Variants in ASTN2 observed in about 807,000 individuals in gnomAD.
The protein encoded by ASTN2 is astrotactin 2.
In ASTN2, 54 loss-of-function variants were observed where a neutral mutation model predicts 139.8. The observed-to-expected ratio is 0.39, with a 90% confidence interval of 0.31 to 0.48. ASTN2 has a LOEUF of 0.48. Ranked by LOEUF, ASTN2 falls within the 20% of genes least tolerant of loss-of-function variation. The probability of loss-of-function intolerance (pLI) is 0.95; values close to 1 mark genes in which losing one functional copy is unlikely to be tolerated. For synonymous variants in ASTN2, 756 were observed against 719.5 expected, an observed-to-expected ratio of 1.05 and a Z score of -0.81; for missense variants, 1,565 against 1,725.1, an observed-to-expected ratio of 0.91 and a Z score of 1.64.
At chr9:116,807,188 A>C (rs1050436966) in intron 12 of ASTN2, among the ~76,000 whole-genome samples, 1 of 152,228 alleles carries the variant, frequency 6.6e-6, no homozygotes, top group Non-Finnish European at 1.5e-5. Context: ...AGATTCATTG[A>C]AGCTAACCGC....
chr9:116,888,721 G>T (rs1371502357), intron 10 of ASTN2, among the ~76,000 whole-genome samples: 1 of 151,924 alleles, frequency 6.6e-6, no homozygotes, highest in Non-Finnish European at 1.5e-5. Flanking sequence ...ATAAGTTCTG[G>T]AATACATGTG....
intron 13 of ASTN2, among the ~76,000 whole-genome samples, chr9:116,753,169 A>G (rs376950978): frequency 1.3e-5 from 2 of 152,226 alleles, no homozygotes; most frequent in South Asian, 4.1e-4. Context: ...ATCATTCCAC[A>G]ATTTTAAAAA....
Position 116,442,505 on chromosome 9 carries a change from G to A in ASTN2, c.3546C>T (p.Ser1182=), listed in dbSNP as rs1847869635. ...GACAGGCCGTCCTCAGGGTCACCGT[G>A]CTTAGCTCTGAGTGCCTCCCTCGTG... ...VDTRGRHSEL[S]TVTLRTACPL... is the part of the protein sequence containing the mutation. The change falls in exon 21 of 23, where the codon AGC becomes AGT. Residue 1182 remains serine (S), a synonymous_variant. Transcript: ENST00000313400. The A allele has an allele frequency of 6.2e-7, 1 of 1,614,046 alleles. No individual in the cohort carries two copies. Among genetic ancestry groups the A allele is most frequent in the Admixed American group, 1.7e-5 (1 of 59,996 alleles).
chr9:116,716,277 A>T (rs1328446106), intron 16 of ASTN2, among the ~76,000 whole-genome samples: 2 of 152,142 alleles, frequency 1.3e-5, no homozygotes. Flanking sequence ...TGCTTTAGGT[A>T]ATGATGCACA....
intron 2 of ASTN2, among the ~76,000 whole-genome samples, chr9:117,222,768 T>C (rs945054398): frequency 2.0e-5 from 3 of 152,152 alleles, no homozygotes; most frequent in African/African-American, 7.2e-5. Flanking sequence ...CCCACAGCGC[T>C]TCGCCTTAAC....
intron 16 of ASTN2, among the ~76,000 whole-genome samples, chr9:116,671,937 A>T (rs1315789736): frequency 1.3e-5 from 2 of 152,196 alleles, no homozygotes; most frequent in Non-Finnish European, 2.9e-5. Flanking sequence ...GAGAAACGAG[A>T]TAACCTGTGC....
chr9:116,839,300 A>G (rs1330517717), intron 11 of ASTN2, among the ~76,000 whole-genome samples: 2 of 152,172 alleles, frequency 1.3e-5, no homozygotes, highest in Non-Finnish European at 1.5e-5. Context: ...GGCATGTGCC[A>G]TCATGCTCGG....
intron 1 of ASTN2, among the ~76,000 whole-genome samples, chr9:117,375,569 G>A (rs374707872): frequency 1.3e-5 from 2 of 152,154 alleles, no homozygotes; most frequent in Admixed American, 6.6e-5. Context: ...CATTAACCAC[G>A]TATTGCACGT....
intron 5 of ASTN2, among the ~76,000 whole-genome samples, chr9:117,083,407 G>A (rs1828478488): frequency 6.6e-6 from 1 of 152,110 alleles, no homozygotes; most frequent in Non-Finnish European, 1.5e-5. Flanking sequence ...GGAAATCCAG[G>A]CCTGGGAATG....
chr9:116,603,527 T>C (rs1258019530), intron 19 of ASTN2, among the ~76,000 whole-genome samples: 5 of 152,138 alleles, frequency 3.3e-5, no homozygotes, highest in African/African-American at 9.7e-5. Flanking sequence ...ACCTTACCTA[T>C]TGTGATGGCA....
intron 13 of ASTN2, among the ~76,000 whole-genome samples, chr9:116,779,222 T>C (rs1371866523): frequency 1.3e-5 from 2 of 152,146 alleles, no homozygotes; most frequent in African/African-American, 2.4e-5. Context: ...GGTAGGTGTT[T>C]GGGTCATAAA....
At chr9:116,518,083 T>C (rs1021977501) in intron 19 of ASTN2, among the ~76,000 whole-genome samples, 1 of 152,122 alleles carries the variant, frequency 6.6e-6, no homozygotes, top group African/African-American at 2.4e-5. Context: ...GAGAACATAT[T>C]TGAGGGAATA....
chr9:116,740,685 T>A (rs984900162), intron 13 of ASTN2, among the ~76,000 whole-genome samples: 12 of 151,930 alleles, frequency 7.9e-5, no homozygotes, highest in Admixed American at 2.0e-4. Flanking sequence ...GCTAATTTTT[T>A]AATTTTTTTT....
intron 10 of ASTN2, among the ~76,000 whole-genome samples, chr9:116,888,678 A>T (rs1833680501): frequency 6.7e-6 from 1 of 149,650 alleles, no homozygotes; most frequent in Middle Eastern, 3.5e-3. Context: ...ACGCGCCACC[A>T]CACCCAGCTA....
At chr9:117,097,791 G>A (rs1828875467) in intron 4 of ASTN2, among the ~76,000 whole-genome samples, 2 of 152,142 alleles carry the variant, frequency 1.3e-5, no homozygotes, top group South Asian at 4.1e-4. Context: ...AATTTCCTCA[G>A]GTAGGGTATT....
rs551164642 is a variant in ASTN2, at chr9:116,923,423, C to T, written c.1889+51785G>A. Among the ~76,000 whole-genome samples the T allele has an allele frequency of 4.5e-4, 68 of 152,326 alleles. 1 individual carries two copies. In the South Asian group the frequency reaches 0.012, roughly 28 times the overall value. ...TGGAGGGGCCAAGTCAGCTATTAGACGGCTTCTCTTGATGCCCTTGTCTTT... is the reference window on the plus strand; with the variant it reads ...TGGAGGGGCCAAGTCAGCTATTAGATGGCTTCTCTTGATGCCCTTGTCTTT... On this transcript the variant is annotated intron_variant, in intron 10 of 22. Transcript: ENST00000313400.
At chr9:117,162,705 G>A (rs937536108) in intron 3 of ASTN2, among the ~76,000 whole-genome samples, 1 of 152,022 alleles carries the variant, frequency 6.6e-6, no homozygotes, top group Non-Finnish European at 1.5e-5. Flanking sequence ...GTGTTGTGAG[G>A]ATTAAATGAG....
At chr9:116,687,972 G>C (rs1445578803) in intron 16 of ASTN2, among the ~76,000 whole-genome samples, 1 of 152,016 alleles carries the variant, frequency 6.6e-6, no homozygotes, top group Non-Finnish European at 1.5e-5. Flanking sequence ...AAGGGAGCTG[G>C]CTGAGGTGTG....
At chr9:116,907,745 A>C (rs1834201220) in intron 10 of ASTN2, among the ~76,000 whole-genome samples, 1 of 152,162 alleles carries the variant, frequency 6.6e-6, no homozygotes, top group Non-Finnish European at 1.5e-5. Flanking sequence ...GAGGTGGTGA[A>C]GGATGGGCGG....
Sources: gnomAD v4.1 joint callset for allele counts (sites outside exome capture counted in the v4.1 genomes callset) on GRCh38, gnomAD v4.1.1 for gene constraint, MANE v1.5 for transcripts, NCBI Gene and HGNC (gene_info 2026-07-23, HGNC 2026-07-21) for gene names.